SMYD3: variants seen among roughly 807,000 people sequenced by gnomAD.
SMYD3 encodes histone-lysine N-methyltransferase SMYD3.
A neutral mutation model predicts 57.7 loss-of-function variants in SMYD3; 36 were observed. The ratio of observed to expected loss-of-function variants is 0.62; its 90% CI spans 0.48 to 0.82. SMYD3 has a LOEUF of 0.82. Among genes scored for constraint, SMYD3 ranks in the 40% least tolerant of loss-of-function variants. The probability of loss-of-function intolerance (pLI) is 0.00; values close to 1 mark genes in which losing one functional copy is unlikely to be tolerated. For missense variants in SMYD3, 515 were observed against 538.8 expected (o/e 0.96, Z 0.44); for synonymous variants, 211 against 195.0 (o/e 1.08, Z -0.68).
intron 5 of SMYD3, among the ~76,000 whole-genome samples, chr1:246,039,915 T>G (rs1048949054): frequency 3.3e-5 from 5 of 152,046 alleles, no homozygotes; most frequent in African/African-American, 9.7e-5. Context: ...AGAAGAAGAG[T>G]GGCTAAGCCC....
chr1:245,873,193 A>G (rs922336804), intron 8 of SMYD3, among the ~76,000 whole-genome samples: 31 of 152,230 alleles, frequency 2.0e-4, no homozygotes, highest in Non-Finnish European at 7.3e-5. Context: ...ACATTTAGGA[A>G]GGAGACACTT....
intron 1 of SMYD3, among the ~76,000 whole-genome samples, chr1:246,475,503 G>A (rs1021910950): frequency 4.6e-5 from 7 of 151,830 alleles, no homozygotes; most frequent in East Asian, 4.0e-4. Flanking sequence ...AAAAATAGCC[G>A]GGCATGATGG....
At position 245,919,102 on chromosome 1, in the gene SMYD3, C is replaced by T. The variant is rs375295022; in HGVS notation, c.703-3462G>A. ...CTGCCTGGAACCATTACCTGGACTA[C>T]GCAATGGCTTTCTAACTGGCTTCCC... On this transcript the variant is annotated intron_variant, in intron 7 of 11. Coordinates refer to ENST00000490107, the MANE Select transcript of SMYD3 (RefSeq NM_001167740.2). Among the ~76,000 whole-genome samples the T allele has an allele frequency of 3.3e-5, 5 of 152,318 alleles. No homozygotes were observed. The East Asian group carries it at 7.7e-4, about 24-fold the overall frequency.
intron 5 of SMYD3, among the ~76,000 whole-genome samples, chr1:246,147,916 C>T (rs1010310464): frequency 2.0e-5 from 3 of 152,174 alleles, no homozygotes; most frequent in African/African-American, 7.2e-5. Flanking sequence ...ACCCGCCCCC[C>T]ACTTCATCCC....
At chr1:246,221,190 C>T (rs1558326030) in intron 5 of SMYD3, among the ~76,000 whole-genome samples, 1 of 152,266 alleles carries the variant, frequency 6.6e-6, no homozygotes, top group East Asian at 1.9e-4. Flanking sequence ...GATGACCTAC[C>T]AGCAGAGGGG....
intron 5 of SMYD3, among the ~76,000 whole-genome samples, chr1:246,064,531 G>A (rs546208722): frequency 1.6e-4 from 24 of 151,996 alleles, no homozygotes; most frequent in Non-Finnish European, 1.9e-4. Context: ...AGATATCCCC[G>A]TCTCCCAGTC....
At chr1:246,441,365 T>C (rs2067460073) in intron 1 of SMYD3, among the ~76,000 whole-genome samples, 1 of 152,212 alleles carries the variant, frequency 6.6e-6, no homozygotes, top group Non-Finnish European at 1.5e-5. Context: ...CTCCAAGTTA[T>C]CTTATTTCAT....
intron 3 of SMYD3, among the ~76,000 whole-genome samples, chr1:246,331,218 C>G (rs556615177): frequency 6.6e-6 from 1 of 152,242 alleles, no homozygotes; most frequent in Non-Finnish European, 1.5e-5. Context: ...GTAAAAAAAT[C>G]TAAAAGGCTT....
At chr1:246,026,825 A>C (rs906393247) in intron 5 of SMYD3, among the ~76,000 whole-genome samples, 11 of 152,194 alleles carry the variant, frequency 7.2e-5, no homozygotes, top group Admixed American at 2.0e-4. Context: ...GGAGTTGCAC[A>C]TCTCTCGCTG....
chr1:245,798,668 G>C (rs923869235), intron 10 of SMYD3, among the ~76,000 whole-genome samples: 4 of 151,970 alleles, frequency 2.6e-5, no homozygotes, highest in African/African-American at 9.7e-5. Context: ...GAACAGGAGC[G>C]GGGCAGCTAC....
intron 1 of SMYD3, among the ~76,000 whole-genome samples, chr1:246,371,883 T>C (rs2066198903): frequency 6.6e-6 from 1 of 152,204 alleles, no homozygotes. Flanking sequence ...ATCTTCTCCT[T>C]CTGCCTGCTT....
At chr1:246,195,613 GCACACA>G (rs527875900) in intron 5 of SMYD3, among the ~76,000 whole-genome samples, 1 of 149,980 alleles carries the variant, frequency 6.7e-6, no homozygotes, top group African/African-American at 2.4e-5. Flanking sequence ...GTGCACGCGC[GCACACA>G]CACACACACA....
intron 1 of SMYD3, among the ~76,000 whole-genome samples, chr1:246,457,544 A>AAAAAGAAAAGAAAAG (rs1553351025): frequency 5.7e-5 from 5 of 87,242 alleles, no homozygotes; most frequent in African/African-American, 2.1e-4. Flanking sequence ...AAAAAAAAAA[A>AAAAAGAAAAGAAAAG]AAAAGAAAAG....
intron 7 of SMYD3, among the ~76,000 whole-genome samples, chr1:245,924,887 C>G (rs1322732531): frequency 6.6e-6 from 1 of 152,050 alleles, no homozygotes; most frequent in Non-Finnish European, 1.5e-5. Context: ...TGGATGCAAA[C>G]TCCTGACCTC....
intron 5 of SMYD3, among the ~76,000 whole-genome samples, chr1:246,250,777 C>T (rs938334366): frequency 3.3e-5 from 5 of 152,146 alleles, no homozygotes; most frequent in Admixed American, 6.5e-5. Flanking sequence ...TTTTAAAGTG[C>T]AACCATCTTT....
At chr1:246,059,634 A>T (rs2060217440) in intron 5 of SMYD3, among the ~76,000 whole-genome samples, 1 of 152,216 alleles carries the variant, frequency 6.6e-6, no homozygotes, top group South Asian at 2.1e-4. Flanking sequence ...GATTTAAGAA[A>T]AAAAACCATT....
At chr1:246,328,953 T>C (rs2065408950) in intron 4 of SMYD3, among the ~76,000 whole-genome samples, 1 of 151,944 alleles carries the variant, frequency 6.6e-6, no homozygotes, top group African/African-American at 2.4e-5. Context: ...TGGTTTTTTG[T>C]CCTTGCAATA....
Position 245,979,602 on chromosome 1 carries a change from G to C in SMYD3, c.532-49665C>G, listed in dbSNP as rs897953387. Among the ~76,000 whole-genome samples the C allele has an allele frequency of 2.6e-5, 4 of 152,078 alleles. 1 individual carries two copies. Among genetic ancestry groups the C allele is most frequent in the Non-Finnish European group, 5.9e-5 (4 of 68,022 alleles). On this transcript the variant is annotated intron_variant, in intron 5 of 11. Coordinates refer to ENST00000490107, the MANE Select transcript of SMYD3 (RefSeq NM_001167740.2). ...CCACCAGGAGCTACGGGAAAGAAAC[G>C]GAACAGTCTGCCTCAGAAGGAGCTC...
intron 10 of SMYD3, among the ~76,000 whole-genome samples, chr1:245,789,235 T>C (rs1160040359): frequency 6.6e-6 from 1 of 152,176 alleles, no homozygotes; most frequent in African/African-American, 2.4e-5. Context: ...TCAGAGAGAC[T>C]TTCATAGGCA....
Sources: gnomAD v4.1 joint callset for allele counts (sites outside exome capture counted in the v4.1 genomes callset) on GRCh38, gnomAD v4.1.1 for gene constraint, MANE v1.5 for transcripts, NCBI Gene and HGNC (gene_info 2026-07-23, HGNC 2026-07-21) for gene names.